FARP1: variants seen among roughly 807,000 people sequenced by gnomAD.
The protein encoded by FARP1 is FERM, ARH/RhoGEF and pleckstrin domain protein 1, also known as FERM, ARHGEF and pleckstrin domain-containing protein 1.
FARP1 carries 52 observed loss-of-function variants against 128.8 expected under a neutral mutation model. The ratio of observed to expected loss-of-function variants is 0.40; its 90% CI spans 0.32 to 0.51. FARP1 has a LOEUF of 0.51. Among genes scored for constraint, FARP1 ranks in the 20% least tolerant of loss-of-function variants. The pLI is 0.45. For synonymous variants in FARP1, 580 were observed against 551.8 expected, an observed-to-expected ratio of 1.05 and a Z score of -0.72; for missense variants, 1,333 against 1,367.9, an observed-to-expected ratio of 0.97 and a Z score of 0.40.
chr13:98,362,296 C>T (rs973536524), intron 3 of FARP1, among the ~76,000 whole-genome samples: 1 of 152,166 alleles, frequency 6.6e-6, no homozygotes. Context: ...CCTGATTCCC[C>T]AGCCAGCTAC....
At position 98,431,045 on chromosome 13, in the gene FARP1, C is replaced by T; in HGVS notation, c.1908C>T (p.His636=). Residue 636 remains histidine, a splice_region_variant and synonymous_variant, in exon 18 of 27, where the codon CAC becomes CAT. Transcript: ENST00000319562. ...CTCCTCCTCTGTTGCCTCCCAAGCA[C>T]CTGGCGGCTCACCTGTGGAAGCACA... The part of the protein sequence containing the change: ...VMLKNIQGMK[H]LAAHLWKHSE... The T allele has an allele frequency of 6.2e-7, 1 of 1,611,400 alleles. No individual in the cohort carries two copies. The highest frequency in any genetic ancestry group is 2.2e-5 in the East Asian group (1 of 44,866).
intron 1 of FARP1, among the ~76,000 whole-genome samples, chr13:98,196,275 G>A (rs1211465429): frequency 1.3e-5 from 2 of 152,108 alleles, no homozygotes; most frequent in Non-Finnish European, 2.9e-5. Flanking sequence ...GTACAAGAGG[G>A]CCCTTGGCAT....
intron 2 of FARP1, among the ~76,000 whole-genome samples, chr13:98,254,310 A>G (rs1216979528): frequency 6.6e-6 from 1 of 152,230 alleles, no homozygotes; most frequent in Admixed American, 6.5e-5. Context: ...CTTAAAAACT[A>G]TGGGATTCTG....
chr13:98,225,724 C>G (rs182774539), intron 2 of FARP1, among the ~76,000 whole-genome samples: 1 of 152,222 alleles, frequency 6.6e-6, no homozygotes, highest in Non-Finnish European at 1.5e-5. Context: ...TCCTGCCAAC[C>G]GGGCTGTTAG....
Position 98,377,909 on chromosome 13 carries a change from A to G in FARP1, c.487A>G (p.Ile163Val), listed in dbSNP as rs200467768. 1 of 1,606,318 alleles carries G rather than the reference A, an allele frequency of 6.2e-7. No individual in the cohort carries two copies. Among genetic ancestry groups the G allele is most frequent in the East Asian group, 2.2e-5 (1 of 44,836 alleles). The change falls in exon 6 of 27, where the codon ATT (isoleucine) becomes GTT (valine). Residue 163 changes from isoleucine (I) to valine (V), a missense_variant. By Grantham distance (29) the Ile-to-Val change is conservative. Around this residue, in one of 2 missense-constraint regions of FARP1, gnomAD observed 324 missense variants for 398.1 expected, o/e 0.81. Transcript: ENST00000319562. ...DTSAALLISH[I>V]VQSEIGDFDE... The stretch of plus-strand genomic sequence containing the variant: ...CAGCGCAGCTCTCTTGATTTCACAC[A>G]TTGTGCAATGTAAGTTCTATTGGTT...
chr13:98,347,655 A>G (rs979008091), intron 3 of FARP1, among the ~76,000 whole-genome samples: 1 of 152,170 alleles, frequency 6.6e-6, no homozygotes, highest in African/African-American at 2.4e-5. Flanking sequence ...GGACACTTAC[A>G]TTGCCGTCAC....
chr13:98,433,104 G>C (rs2139067071), intron 18 of FARP1: 1 of 152,390 alleles, frequency 6.6e-6, no homozygotes, highest in Middle Eastern at 3.4e-3. Flanking sequence ...ATTGCCAAAA[G>C]CGTGCAGGGC....
At position 98,243,417 on chromosome 13, in the gene FARP1, C is replaced by G. The variant is rs373721562; in HGVS notation, c.171+30004C>G. Among the ~76,000 whole-genome samples, 18 of 152,040 alleles carry G rather than the reference C, an allele frequency of 1.2e-4. No homozygotes were observed. The East Asian group carries it at 3.5e-3, about 29-fold the overall frequency. Reference sequence around the variant, plus strand: ...GTTGATTAAGAAGAATCTGTATGGCCGGGCACGGTGGCTCACGCCTGTAAT... The same window carrying G: ...GTTGATTAAGAAGAATCTGTATGGCGGGGCACGGTGGCTCACGCCTGTAAT... On this transcript the variant is annotated intron_variant, in intron 2 of 26. Coordinates refer to ENST00000319562, the MANE Select transcript of FARP1 (RefSeq NM_005766.4).
chr13:98,406,321 G>C (rs1048172670), intron 13 of FARP1: 9 of 152,192 alleles, frequency 5.9e-5, no homozygotes, highest in African/African-American at 1.4e-4. Context: ...CTTGCAAAGA[G>C]AGAAGGGGCC....
chr13:98,143,945 G>A (rs530772537), intron 1 of FARP1, among the ~76,000 whole-genome samples: 44 of 152,020 alleles, frequency 2.9e-4, no homozygotes, highest in Non-Finnish European at 5.6e-4. Flanking sequence ...GATGCCGCCG[G>A]GTGCCCGCCG....
At chr13:98,284,361 A>T (rs1480863002) in intron 2 of FARP1, among the ~76,000 whole-genome samples, 1 of 152,098 alleles carries the variant, frequency 6.6e-6, no homozygotes, top group Non-Finnish European at 1.5e-5. Flanking sequence ...GACCAAGATG[A>T]TACATATCCA....
intron 1 of FARP1, among the ~76,000 whole-genome samples, chr13:98,165,741 TTTG>T: frequency 8.4e-6 from 1 of 118,388 alleles, no homozygotes; most frequent in Non-Finnish European, 1.7e-5. Context: ...TTTTTTTTTT[TTTG>T]TCTCACTCTG....
intron 1 of FARP1, among the ~76,000 whole-genome samples, chr13:98,182,463 C>A (rs1391510953): frequency 6.6e-6 from 1 of 152,068 alleles, no homozygotes; most frequent in Admixed American, 6.6e-5. Context: ...GTAGCTGGGA[C>A]TTACAGGCAC....
At chr13:98,235,233 C>T (rs755154889) in intron 2 of FARP1, among the ~76,000 whole-genome samples, 9 of 152,076 alleles carry the variant, frequency 5.9e-5, no homozygotes, top group Non-Finnish European at 1.2e-4. Context: ...GTGTGGTCCT[C>T]CCCAGGCAAT....
chr13:98,263,180 G>T (rs1237640608), intron 2 of FARP1, among the ~76,000 whole-genome samples: 4 of 151,942 alleles, frequency 2.6e-5, no homozygotes, highest in Non-Finnish European at 5.9e-5. Context: ...GCTAATTTTT[G>T]TACTTTTAAT....
rs201529177 is a variant in FARP1 at position 98,439,983 on chromosome 13, G to A, written c.2456G>A (p.Trp819Ter). The A allele has an allele frequency of 1.9e-6, 3 of 1,586,682 alleles. No individual in the cohort carries two copies. Among genetic ancestry groups the A allele is most frequent in the Non-Finnish European group, 2.6e-6 (3 of 1,161,936 alleles). The change falls in exon 22 of 27, where the codon TGG becomes TAG. Residue 819 changes from tryptophan to a stop codon, truncating the protein, a stop_gained. Transcript: ENST00000319562. LOFTEE classifies it high-confidence loss of function. ...GMTIEESEDE[W>*]GVPHCLTLRG... ...CAGATTGAGGAGAGCGAAGACGAGTGGGGGGTGCCCCACTGCCTGACCCTC... is the reference window on the plus strand; with the variant it reads ...CAGATTGAGGAGAGCGAAGACGAGTAGGGGGTGCCCCACTGCCTGACCCTC...
chr13:98,214,894 T>C (rs1471807077), intron 2 of FARP1, among the ~76,000 whole-genome samples: 1 of 152,152 alleles, frequency 6.6e-6, no homozygotes, highest in Admixed American at 6.5e-5. Context: ...CCTCACCCAC[T>C]TTTTTGTCTT....
At chr13:98,308,855 T>G (rs1382110709) in intron 2 of FARP1, among the ~76,000 whole-genome samples, 1 of 151,712 alleles carries the variant, frequency 6.6e-6, no homozygotes, top group Non-Finnish European at 1.5e-5. Context: ...ATTTTTGGGG[T>G]TTCACAAAAA....
At chr13:98,267,118 C>T (rs577633980) in intron 2 of FARP1, among the ~76,000 whole-genome samples, 77 of 151,776 alleles carry the variant, frequency 5.1e-4, no homozygotes, top group Non-Finnish European at 9.1e-4. Context: ...AATATTTTTA[C>T]CTAAACGGTT....
Sources: allele counts gnomAD v4.1 joint callset (sites outside exome capture counted in the v4.1 genomes callset), GRCh38; gene constraint gnomAD v4.1.1; regional missense constraint gnomAD v4.1.1; transcripts MANE v1.5; gene names NCBI Gene and HGNC (gene_info 2026-07-23, HGNC 2026-07-21).